IRAK2: variants seen among roughly 807,000 people sequenced by gnomAD.
IRAK2 encodes interleukin 1 receptor associated kinase 2, also known as interleukin-1 receptor-associated kinase-like 2.
A neutral mutation model predicts 72.0 loss-of-function variants in IRAK2; 57 were observed. The ratio of observed to expected loss-of-function variants is 0.79; its 90% confidence interval spans 0.64 to 0.99. The LOEUF (loss-of-function observed/expected upper bound fraction) is 0.99. Ranked by LOEUF, IRAK2 falls within the 50% of genes least tolerant of loss-of-function variation. IRAK2 has a pLI of 0.00. For synonymous variants in IRAK2, 293 were observed against 312.7 expected (o/e 0.94, Z 0.67); for missense variants, 790 against 794.4 (o/e 0.99, Z 0.07).
intron 1 of IRAK2, among the ~76,000 whole-genome samples, chr3:10,165,472 T>C (rs1243024417): frequency 1.3e-5 from 2 of 152,076 alleles, no homozygotes; most frequent in Non-Finnish European, 2.9e-5. Context: ...AGTTTTAGTG[T>C]ATATTAGAAG....
chr3:10,183,014 T>G (rs1286383363), intron 2 of IRAK2, among the ~76,000 whole-genome samples: 1 of 151,884 alleles, frequency 6.6e-6, no homozygotes, highest in Non-Finnish European at 1.5e-5. Flanking sequence ...TCAAGTGATC[T>G]GCCCACCTCG....
chr3:10,204,635 G>T (rs1280788531), intron 3 of IRAK2, among the ~76,000 whole-genome samples: 1 of 152,160 alleles, frequency 6.6e-6, no homozygotes, highest in Non-Finnish European at 1.5e-5. Context: ...TGTAATCCCA[G>T]CTACTTGGGA....
chr3:10,232,346 T>C (rs550832636), intron 10 of IRAK2, among the ~76,000 whole-genome samples: 10 of 152,328 alleles, frequency 6.6e-5, no homozygotes, highest in African/African-American at 2.4e-4. Context: ...TTGTGACTTG[T>C]TTAGAGTCAT....
At chr3:10,231,141 C>G (rs1221773596) in intron 10 of IRAK2, among the ~76,000 whole-genome samples, 1 of 151,952 alleles carries the variant, frequency 6.6e-6, no homozygotes, top group Non-Finnish European at 1.5e-5. Context: ...TTTTAGGATA[C>G]TGTTATAATT....
At chr3:10,172,038 C>G (rs532923521) in intron 1 of IRAK2, among the ~76,000 whole-genome samples, 1 of 151,976 alleles carries the variant, frequency 6.6e-6, no homozygotes, top group African/African-American at 2.4e-5. Flanking sequence ...GAGTTCGAAA[C>G]CAGCCTGGCC....
At chr3:10,240,436 G>A (rs1423824418) in intron 12 of IRAK2, among the ~76,000 whole-genome samples, 2 of 144,982 alleles carry the variant, frequency 1.4e-5, no homozygotes, top group African/African-American at 5.1e-5. Flanking sequence ...CAGCCTGGGT[G>A]ACAGAGGAAA....
At chr3:10,196,904 G>A (rs574999790) in intron 2 of IRAK2, among the ~76,000 whole-genome samples, 3 of 152,166 alleles carry the variant, frequency 2.0e-5, no homozygotes, top group Non-Finnish European at 4.4e-5. Flanking sequence ...ACTGGAGCCA[G>A]AGGGGTCCCC....
At chr3:10,166,628 A>G (rs184475915) in intron 1 of IRAK2, among the ~76,000 whole-genome samples, 3 of 152,276 alleles carry the variant, frequency 2.0e-5, no homozygotes, top group Admixed American at 1.3e-4. Context: ...CTTATAAGTC[A>G]TAAGTTGTAA....
intron 1 of IRAK2, among the ~76,000 whole-genome samples, chr3:10,175,841 G>C (rs554602223): frequency 5.4e-5 from 8 of 147,252 alleles, no homozygotes; most frequent in African/African-American, 2.0e-4. Flanking sequence ...AGTGAGCTCA[G>C]GAGTGCACCA....
chr3:10,178,371 C>T (rs772154273), intron 2 of IRAK2, among the ~76,000 whole-genome samples: 14 of 151,806 alleles, frequency 9.2e-5, no homozygotes, highest in South Asian at 2.1e-4. Flanking sequence ...GCAGGAGAAT[C>T]GCTTGAACCT....
chr3:10,212,506 A>G (rs1236752941), intron 4 of IRAK2, among the ~76,000 whole-genome samples: 2 of 152,136 alleles, frequency 1.3e-5, no homozygotes, highest in Non-Finnish European at 2.9e-5. Flanking sequence ...GAGCTCGGCC[A>G]CTGACCAGCT....
chr3:10,185,562 A>G (rs1298559369), intron 2 of IRAK2, among the ~76,000 whole-genome samples: 2 of 146,832 alleles, frequency 1.4e-5, no homozygotes, highest in Non-Finnish European at 3.0e-5. Context: ...CCGTCTCAAA[A>G]AAAAAAAAAA....
chr3:10,239,393 AG>A (rs1698016889), intron 12 of IRAK2, among the ~76,000 whole-genome samples: 1 of 152,158 alleles, frequency 6.6e-6, no homozygotes, highest in Admixed American at 6.6e-5. Context: ...CTTCTCCAGG[AG>A]CCAGCCAGAG....
At chr3:10,237,916 A>T (rs942224771) in intron 11 of IRAK2, among the ~76,000 whole-genome samples, 1 of 135,274 alleles carries the variant, frequency 7.4e-6, no homozygotes, top group Non-Finnish European at 1.6e-5. Flanking sequence ...GTATAAGGGT[A>T]TGTATGTGTG....
chr3:10,210,747 A>G (rs1337271912), intron 4 of IRAK2, among the ~76,000 whole-genome samples: 1 of 152,180 alleles, frequency 6.6e-6, no homozygotes, highest in Non-Finnish European at 1.5e-5. Flanking sequence ...TCAACCTTCC[A>G]TGAAGGATAA....
chr3:10,176,839 G>C (rs1696883888), intron 1 of IRAK2, among the ~76,000 whole-genome samples: 1 of 149,896 alleles, frequency 6.7e-6, no homozygotes, highest in South Asian at 2.1e-4. Flanking sequence ...GTCTCGCTCT[G>C]TCGCCCAGGC....
chr3:10,236,668 A>G (rs1697965541), intron 11 of IRAK2, among the ~76,000 whole-genome samples: 1 of 151,868 alleles, frequency 6.6e-6, no homozygotes, highest in South Asian at 2.1e-4. Flanking sequence ...TTTTAAGCAG[A>G]GGTAGGACAT....
chr3:10,184,958 C>T (rs1697029796), intron 2 of IRAK2, among the ~76,000 whole-genome samples: 2 of 150,596 alleles, frequency 1.3e-5, no homozygotes, highest in South Asian at 4.2e-4. Context: ...AGGGTGATCT[C>T]CTGACCTCGT....
At chr3:10,176,782 C>T (rs9823564) in intron 1 of IRAK2, among the ~76,000 whole-genome samples, 105,180 of 151,126 alleles carry the variant, frequency 0.7, 37,616 homozygotes, top group Non-Finnish European at 0.77. Context: ...TGGCCTACTT[C>T]GTTTATTTTT....
Sources: gnomAD v4.1 joint callset for allele counts (sites outside exome capture counted in the v4.1 genomes callset) on GRCh38, gnomAD v4.1.1 for gene constraint, MANE v1.5 for transcripts, NCBI Gene and HGNC (gene_info 2026-07-23, HGNC 2026-07-21) for gene names.